SEC23A: variants seen among roughly 807,000 people sequenced by gnomAD.
SEC23A encodes protein transport protein Sec23A.
Under a neutral mutation model 103.7 loss-of-function variants are expected in SEC23A, and 56 were observed. That is an observed-to-expected ratio of 0.54 (90% CI 0.44 to 0.67). The LOEUF (loss-of-function observed/expected upper bound fraction) is 0.67, where lower values mean the gene tolerates loss of function less well. SEC23A is among the 30% of genes least tolerant of loss of function. The pLI is 0.00. For missense variants in SEC23A, 784 were observed against 936.4 expected (o/e 0.84, Z 2.12); for synonymous variants, 281 against 293.0 (o/e 0.96, Z 0.42).
intron 7 of SEC23A, among the ~76,000 whole-genome samples, chr14:39,079,799 G>A (rs967899304): frequency 1.3e-5 from 2 of 151,760 alleles, no homozygotes; most frequent in Non-Finnish European, 2.9e-5. Flanking sequence ...TCCAGCCTGG[G>A]CAACAAGAGC....
chr14:39,099,460 T>G (rs1221276624), intron 1 of SEC23A, among the ~76,000 whole-genome samples: 1 of 152,064 alleles, frequency 6.6e-6, no homozygotes, highest in Non-Finnish European at 1.5e-5. Flanking sequence ...TCCCCGCCAT[T>G]AAATTGTTTT....
chr14:39,094,429 T>C (rs1566515141), intron 2 of SEC23A, among the ~76,000 whole-genome samples: 2 of 54,618 alleles, frequency 3.7e-5, no homozygotes, highest in South Asian at 6.0e-4. Context: ...TATATATATA[T>C]ATATATATAT....
At position 39,096,072 on chromosome 14, in the gene SEC23A, C is replaced by G. The variant is rs771672354; in HGVS notation, c.47G>C (p.Gly16Ala). 6.2e-7 allele frequency: 1 copy of G among 1,614,034 alleles called. No homozygotes were observed. The highest frequency in any genetic ancestry group is 1.1e-5 in the South Asian group (1 of 91,072). The part of the protein sequence containing the change: ...EFIQQNEERD[G>A]VRFSWNVWPS... ...CCAAACATTCCAACTAAATCGGACT[C>G]CATCTCGTTCTTCATTTTGTTGAAT... Residue 16 changes from glycine (G) to alanine (A), a missense_variant, in exon 2 of 20, where the codon GGA becomes GCA. Physicochemically the swap from Gly to Ala is moderately conservative, Grantham distance 60. Coordinates refer to ENST00000307712, the MANE Select transcript of SEC23A (RefSeq NM_006364.4).
At chr14:39,063,463 A>G in intron 11 of SEC23A, 50 bp from the exon 12 acceptor site, 1 of 1,172,752 alleles carries the variant, frequency 8.5e-7, no homozygotes, top group South Asian at 1.3e-5. Context: ...ACAATTTATT[A>G]ATTTTATATT....
intron 1 of SEC23A, among the ~76,000 whole-genome samples, chr14:39,100,384 C>G (rs1042304514): frequency 1.3e-5 from 2 of 150,906 alleles, no homozygotes; most frequent in Non-Finnish European, 2.9e-5. Context: ...AATGGCATAT[C>G]TGAAATAAAG....
intron 7 of SEC23A, among the ~76,000 whole-genome samples, chr14:39,081,561 T>G (rs1735582089): frequency 6.6e-6 from 1 of 152,206 alleles, no homozygotes; most frequent in Non-Finnish European, 1.5e-5. Flanking sequence ...CTAAGCTTCT[T>G]TCTAACAGAG....
intron 9 of SEC23A, among the ~76,000 whole-genome samples, chr14:39,069,232 T>A (rs1886766639): frequency 6.6e-6 from 1 of 152,156 alleles, no homozygotes; most frequent in Non-Finnish European, 1.5e-5. Flanking sequence ...TATTCTTACA[T>A]CCCTATACTC....
intron 16 of SEC23A, among the ~76,000 whole-genome samples, chr14:39,043,286 C>A (rs932032659): frequency 3.9e-5 from 6 of 152,076 alleles, no homozygotes; most frequent in Admixed American, 6.6e-5. Context: ...AAACTTAGGC[C>A]ATGATGGCCT....
intron 14 of SEC23A, among the ~76,000 whole-genome samples, chr14:39,051,836 C>T (rs569817944): frequency 6.6e-6 from 1 of 151,966 alleles, no homozygotes; most frequent in African/African-American, 2.4e-5. Flanking sequence ...GGTGTGGTGG[C>T]ACACACCTGT....
chr14:39,094,944 A>G (rs1356857640), intron 2 of SEC23A: 1 of 691,692 alleles, frequency 1.4e-6, no homozygotes, highest in South Asian at 1.5e-5. Context: ...CAAGAATAAG[A>G]AGCTACTACT....
At chr14:39,088,060 A>G (rs1323640125) in intron 5 of SEC23A, 1 of 152,178 alleles carries the variant, frequency 6.6e-6, no homozygotes, top group Non-Finnish European at 1.5e-5. Context: ...ATAACCTGGC[A>G]AAATAGGTAG....
chr14:39,059,884 G>A (rs1348101375), intron 13 of SEC23A, among the ~76,000 whole-genome samples: 2 of 152,020 alleles, frequency 1.3e-5, no homozygotes, highest in East Asian at 1.9e-4. Flanking sequence ...ATTTTTCCCT[G>A]ACATTTGCAT....
intron 14 of SEC23A, 77 bp downstream of exon 14, chr14:39,055,066 A>G (rs1351613037): frequency 1.3e-6 from 2 of 1,560,352 alleles, no homozygotes; most frequent in Non-Finnish European, 1.8e-6. Context: ...AAGTACTTTG[A>G]AAGAGATTAT....
intron 9 of SEC23A, among the ~76,000 whole-genome samples, chr14:39,072,604 T>C (rs1310195730): frequency 6.6e-6 from 1 of 151,642 alleles, no homozygotes; most frequent in African/African-American, 2.4e-5. Flanking sequence ...AGCCCAGGAG[T>C]TCGAGACCAG....
At chr14:39,057,355 CAG>C (rs1200516120) in intron 13 of SEC23A, among the ~76,000 whole-genome samples, 4 of 150,142 alleles carry the variant, frequency 2.7e-5, no homozygotes, top group African/African-American at 9.8e-5. Context: ...TTTTAAAAAA[CAG>C]AGATTTTTTT....
rs1260857585 is a variant in SEC23A at position 39,103,108 on chromosome 14, T to G, written c.-98A>C. 2 of 152,146 alleles carry G rather than the reference T, an allele frequency of 1.3e-5. No individual in the cohort carries two copies. Among genetic ancestry groups the G allele is most frequent in the East Asian group, 3.9e-4 (2 of 5,114 alleles). 9.4% of individuals were successfully genotyped at this position (152,146 alleles called of 1,614,324 possible). A position where few individuals can be genotyped will look rare whatever the true frequency, so the allele number is the denominator to read the frequency against. ...TGCAGGACCCGTCGCAGCCTCCGCTTTGCAAAATCTGTCCTCTCCGCCCAG... is the reference window on the plus strand; with the variant it reads ...TGCAGGACCCGTCGCAGCCTCCGCTGTGCAAAATCTGTCCTCTCCGCCCAG... On this transcript the variant is annotated 5_prime_UTR_variant, in exon 1 of 20. Coordinates refer to ENST00000307712, the MANE Select transcript of SEC23A (RefSeq NM_006364.4).
chr14:39,048,253 T>C (rs1436878716), intron 15 of SEC23A, among the ~76,000 whole-genome samples: 3 of 151,988 alleles, frequency 2.0e-5, no homozygotes, highest in South Asian at 2.1e-4. Context: ...ACAAAAAGAA[T>C]AACCCAATAA....
In SEC23A at chr14:39,091,557, C is replaced by T. The variant is rs995908639; in HGVS notation, c.523G>A (p.Val175Ile). 24 of 1,613,878 alleles carry T rather than the reference C, an allele frequency of 1.5e-5. No homozygotes were observed. Among genetic ancestry groups the T allele is most frequent in the Non-Finnish European group, 1.9e-5 (22 of 1,179,982 alleles). Reference sequence around the variant, plus strand: ...ATGCCTTCACATCCAAGTTCATGAACCTGAACCATTCTCCCAAAAGTAATA... The same window carrying T: ...ATGCCTTCACATCCAAGTTCATGAATCTGAACCATTCTCCCAAAAGTAATA... The part of the protein sequence containing the change: ...GLITFGRMVQ[V>I]HELGCEGISK... The change falls in exon 5 of 20, where the codon GTT becomes ATT. Residue 175 changes from valine to isoleucine, a missense_variant. Val to Ile is a conservative substitution (Grantham distance 29). Transcript: ENST00000307712.
intron 10 of SEC23A, among the ~76,000 whole-genome samples, chr14:39,065,941 T>C (rs1886645484): frequency 7.6e-6 from 1 of 131,894 alleles, no homozygotes; most frequent in African/African-American, 2.9e-5. Flanking sequence ...GAGGTTATAG[T>C]GAGCTGAGAT....
Sources: gnomAD v4.1 joint callset for allele counts (sites outside exome capture counted in the v4.1 genomes callset) on GRCh38, gnomAD v4.1.1 for gene constraint, MANE v1.5 for transcripts, NCBI Gene and HGNC (gene_info 2026-07-23, HGNC 2026-07-21) for gene names.